The following TLCD4 variants were observed in gnomAD, a reference collection of about 807,000 sequenced individuals.
TLCD4 encodes the protein TLC domain-containing protein 4.
Under a neutral mutation model 24.2 loss-of-function variants are expected in TLCD4, and 7 were observed. That is an observed-to-expected ratio of 0.29 (90% CI 0.16 to 0.54). The LOEUF is 0.54. Ranked by LOEUF, TLCD4 falls within the 20% of genes least tolerant of loss-of-function variation. The pLI, the probability that TLCD4 is intolerant of heterozygous loss-of-function variation, is 0.95. For synonymous variants in TLCD4, 103 were observed against 106.4 expected, an observed-to-expected ratio of 0.97 and a Z score of 0.20; for missense variants, 259 against 313.9, an observed-to-expected ratio of 0.82 and a Z score of 1.32.
In TLCD4 at chr1:95,197,074, T is replaced by C. The variant is rs1679226960; in HGVS notation, c.*5206T>C. The C allele has an allele frequency of 6.6e-6, 1 of 152,152 alleles. No homozygotes were observed. The highest frequency in any genetic ancestry group is 2.4e-5 in the African/African-American group (1 of 41,452). 9.4% of individuals were successfully genotyped at this position (152,152 alleles called of 1,614,324 possible). A position where few individuals can be genotyped will look rare whatever the true frequency, so the allele number is the denominator to read the frequency against. ...AGATACATAGATATATACTTTTTTC[T>C]GAGAATGTATAATATATAATTGTCA... is the stretch of plus-strand genomic sequence containing the variant. On this transcript the variant is annotated 3_prime_UTR_variant, in exon 7 of 7. Transcript: ENST00000370203.
intron 5 of TLCD4, among the ~76,000 whole-genome samples, chr1:95,153,628 C>G (rs1677550623): frequency 6.6e-6 from 1 of 152,118 alleles, no homozygotes; most frequent in Non-Finnish European, 1.5e-5. Context: ...GTATCCAATT[C>G]ACACGTAGTT....
intron 6 of TLCD4, among the ~76,000 whole-genome samples, chr1:95,179,462 T>G (rs911524504): frequency 6.6e-6 from 1 of 152,216 alleles, no homozygotes. Flanking sequence ...AATTGCATAG[T>G]TCTGACAGAG....
the TLCD4 span, among the ~76,000 whole-genome samples, chr1:95,110,707 G>C: frequency 2.0e-5 from 3 of 151,818 alleles, no homozygotes; most frequent in East Asian, 3.9e-4. Flanking sequence ...TGCACAACAT[G>C]GCAACACTCT....
the TLCD4 span, among the ~76,000 whole-genome samples, chr1:95,108,380 AT>A: frequency 6.6e-6 from 1 of 151,992 alleles, no homozygotes; most frequent in Non-Finnish European, 1.5e-5. Flanking sequence ...CATGGAATGC[AT>A]TTTTTTGTTT....
rs926268814 is a variant in TLCD4 at position 95,194,354 on chromosome 1, C to T, written c.*2486C>T. 3.9e-5 allele frequency: 6 copies of T among 152,048 alleles called. No individual in the cohort carries two copies. Among genetic ancestry groups the T allele is most frequent in the African/African-American group, 1.4e-4 (6 of 41,404 alleles). 9.4% of individuals were successfully genotyped at this position (152,048 alleles called of 1,614,324 possible). On this transcript the variant is annotated 3_prime_UTR_variant, in exon 7 of 7. Transcript: ENST00000370203. The stretch of plus-strand genomic sequence containing the variant: ...CTGCCCTGCTACTTTTAAGTCTGAC[C>T]TTTGCAGGAGGTACACTTTGCTGTT...
chr1:95,132,321 G>T (rs549317981), intron 1 of TLCD4, among the ~76,000 whole-genome samples: 1 of 152,130 alleles, frequency 6.6e-6, no homozygotes, highest in African/African-American at 2.4e-5. Flanking sequence ...GCCAGGCGTG[G>T]TGGCACACGT....
chr1:95,130,545 T>C lies in TLCD4; in HGVS notation c.-12+12928T>C, dbSNP rs118037719. ...AGATAATTACAGTGTACCACCTATATGAAAATGCAGACAAAACTCAGAATG... is the reference window on the plus strand; with the variant it reads ...AGATAATTACAGTGTACCACCTATACGAAAATGCAGACAAAACTCAGAATG... On this transcript the variant is annotated intron_variant, in intron 1 of 6. Transcript: ENST00000370203. Among the ~76,000 whole-genome samples, 94 of 152,326 alleles carry C rather than the reference T, an allele frequency of 6.2e-4. 1 individual carries two copies. The East Asian group carries it at 0.016, about 26-fold the overall frequency.
In TLCD4 at chr1:95,192,451, T is replaced by A. The variant is rs2101030750; in HGVS notation, c.*583T>A. 6.6e-6 allele frequency: 1 copy of A among 152,370 alleles called. No homozygotes were observed. Among genetic ancestry groups the A allele is most frequent in the Non-Finnish European group, 1.5e-5 (1 of 68,058 alleles). 9.4% of individuals were successfully genotyped at this position (152,370 alleles called of 1,614,324 possible). On this transcript the variant is annotated 3_prime_UTR_variant, in exon 7 of 7. Coordinates refer to ENST00000370203, the MANE Select transcript of TLCD4 (RefSeq NM_152487.3). ...ATATAATGGTGAATCTTTTGAGAAATCTCTTAACTGCATTGGTATTTTTTC... is the reference window on the plus strand; with the variant it reads ...ATATAATGGTGAATCTTTTGAGAAAACTCTTAACTGCATTGGTATTTTTTC...
chr1:95,137,457 T>C (rs1371597993), intron 1 of TLCD4, among the ~76,000 whole-genome samples: 9 of 151,668 alleles, frequency 5.9e-5, no homozygotes. Flanking sequence ...AGGAGAGGGG[T>C]TATGTATGTG....
intron 6 of TLCD4, among the ~76,000 whole-genome samples, chr1:95,185,256 T>C (rs544415608): frequency 2.2e-4 from 33 of 152,196 alleles, no homozygotes; most frequent in African/African-American, 7.9e-4. Context: ...AAAAGAAGAA[T>C]CAATTTATAG....
intron 5 of TLCD4, among the ~76,000 whole-genome samples, chr1:95,157,192 C>T (rs1373404296): frequency 2.6e-5 from 4 of 152,116 alleles, no homozygotes; most frequent in African/African-American, 7.2e-5. Flanking sequence ...GCCCCAATCT[C>T]ACAACCTATA....
intron 1 of TLCD4, among the ~76,000 whole-genome samples, chr1:95,134,761 C>T (rs955037259): frequency 6.6e-6 from 1 of 152,104 alleles, no homozygotes; most frequent in Non-Finnish European, 1.5e-5. Context: ...GTTTTATTTT[C>T]CTTGACTAGA....
chr1:95,164,449 A>C (rs962505187), intron 5 of TLCD4: 6 of 152,304 alleles, frequency 3.9e-5, no homozygotes, highest in African/African-American at 1.4e-4. Flanking sequence ...TGTGCTTCCC[A>C]GGTGAGGCGA....
the TLCD4 span, among the ~76,000 whole-genome samples, chr1:95,105,773 T>C: frequency 2.0e-5 from 3 of 151,610 alleles, no homozygotes. Context: ...CGGGTGCCTG[T>C]AGTCCCAGCT....
At chr1:95,109,529 C>T in the TLCD4 span, among the ~76,000 whole-genome samples, 1 of 150,092 alleles carries the variant, frequency 6.7e-6, no homozygotes, top group Non-Finnish European at 1.5e-5. Context: ...GCTCTGTTGC[C>T]CAGGCTGGAG....
intron 1 of TLCD4, 146 bp from the exon 2 acceptor site, chr1:95,143,745 G>C: frequency 1.3e-6 from 1 of 784,934 alleles, no homozygotes; most frequent in Non-Finnish European, 1.7e-6. Context: ...ATATACAAAA[G>C]GTCAAAAATT....
Position 95,192,060 on chromosome 1 carries a change from G to C in TLCD4, c.*192G>C. The C allele has an allele frequency of 7.6e-7, 1 of 1,318,922 alleles. No individual in the cohort carries two copies. Among genetic ancestry groups the C allele is most frequent in the Non-Finnish European group, 9.9e-7 (1 of 1,013,882 alleles). 81.7% of individuals were successfully genotyped at this position (1,318,922 alleles called of 1,614,324 possible). On this transcript the variant is annotated 3_prime_UTR_variant, in exon 7 of 7. Transcript: ENST00000370203. ...GCCTGTAATCCCAGCACTTTGGGAG[G>C]CCAAGGTGGGTCGATCACTGAGGTC...
chr1:95,181,427 A>G (rs1456775622), intron 6 of TLCD4, among the ~76,000 whole-genome samples: 2 of 152,116 alleles, frequency 1.3e-5, no homozygotes, highest in Admixed American at 6.5e-5. Flanking sequence ...AATTGTGGAT[A>G]TTCCTTAATA....
At chr1:95,128,944 G>C (rs572216292) in intron 1 of TLCD4, among the ~76,000 whole-genome samples, 2 of 152,156 alleles carry the variant, frequency 1.3e-5, no homozygotes, top group Non-Finnish European at 2.9e-5. Flanking sequence ...CTGTCAGATC[G>C]GTTTTCTGAG....
Sources: gnomAD v4.1 joint callset for allele counts (sites outside exome capture counted in the v4.1 genomes callset) on GRCh38, gnomAD v4.1.1 for gene constraint, MANE v1.5 for transcripts, NCBI Gene and HGNC (gene_info 2026-07-23, HGNC 2026-07-21) for gene names.